The following FHIT variants were observed in gnomAD, a reference collection of about 807,000 sequenced individuals.
FHIT encodes fragile histidine triad diadenosine triphosphatase, also known as bis(5'-adenosyl)-triphosphatase.
FHIT carries 19 observed loss-of-function variants against 17.9 expected under a neutral mutation model. That is an observed-to-expected ratio of 1.06 (90% confidence interval 0.74 to 1.56). The LOEUF (loss-of-function observed/expected upper bound fraction) is 1.56, where lower values mean the gene tolerates loss of function less well. Among genes scored for constraint, FHIT ranks in the 40% most tolerant of loss-of-function variants. The pLI is 0.00. For missense variants in FHIT, 248 were observed against 189.2 expected, an observed-to-expected ratio of 1.31 and a Z score of -1.82; for synonymous variants, 81 against 69.7, an observed-to-expected ratio of 1.16 and a Z score of -0.81.
chr3:59,983,179 T>A (rs1708731098), intron 7 of FHIT, among the ~76,000 whole-genome samples: 1 of 152,032 alleles, frequency 6.6e-6, no homozygotes, highest in Non-Finnish European at 1.5e-5. Flanking sequence ...GCTCAAGCAG[T>A]CGGCCCACCT....
Position 60,055,652 on chromosome 3 carries a change from G to C in FHIT, c.104-41500C>G, listed in dbSNP as rs548460402. Among the ~76,000 whole-genome samples, 142 of 152,284 alleles carry C rather than the reference G, an allele frequency of 9.3e-4. 1 individual carries two copies. Among genetic ancestry groups the C allele is most frequent in the African/African-American group, 2.6e-3 (107 of 41,568 alleles). ...GCAACCAGTGTACAAGGCATTTAGA[G>C]AAAGCTTTTTGATTCCATTCAATCC... On this transcript the variant is annotated intron_variant, in intron 5 of 9. Coordinates refer to ENST00000492590, the MANE Select transcript of FHIT (RefSeq NM_002012.4).
At chr3:60,138,604 A>T (rs1699912163) in intron 5 of FHIT, among the ~76,000 whole-genome samples, 1 of 152,074 alleles carries the variant, frequency 6.6e-6, no homozygotes, top group Non-Finnish European at 1.5e-5. Flanking sequence ...ACAACCTCAT[A>T]AGTTGTCATG....
intron 4 of FHIT, among the ~76,000 whole-genome samples, chr3:60,675,614 G>T (rs2040605320): frequency 6.6e-6 from 1 of 152,206 alleles, no homozygotes; most frequent in African/African-American, 2.4e-5. Flanking sequence ...TGGTAGTTAT[G>T]TATTGGTTGC....
At chr3:60,193,006 T>C (rs73831991) in intron 5 of FHIT, among the ~76,000 whole-genome samples, 4,563 of 152,254 alleles carry the variant, frequency 0.03, 220 homozygotes, top group African/African-American at 0.1. Context: ...TGGGGTAAGA[T>C]GACCGAAAAC....
intron 5 of FHIT, among the ~76,000 whole-genome samples, chr3:60,527,655 G>A (rs1466578215): frequency 1.3e-5 from 2 of 152,126 alleles, no homozygotes; most frequent in East Asian, 3.9e-4. Context: ...TGATAATGAA[G>A]CTTACAATAA....
At chr3:60,577,201 A>G in intron 4 of FHIT, among the ~76,000 whole-genome samples, 1 of 152,140 alleles carries the variant, frequency 6.6e-6, no homozygotes, top group African/African-American at 2.4e-5. Context: ...GGCCCTCCCA[A>G]ATTAACACTG....
Position 60,192,687 on chromosome 3 carries a change from T to C in FHIT, c.104-178535A>G, listed in dbSNP as rs370025696. Among the ~76,000 whole-genome samples the C allele has an allele frequency of 2.6e-5, 4 of 152,182 alleles. No homozygotes were observed. In the East Asian group the frequency reaches 5.8e-4, roughly 22 times the overall value. ...ACATGCTGCTTACCTGCCCAGGATC[T>C]GAACTTCTGGATATGTATCTTTATT... On this transcript the variant is annotated intron_variant, in intron 5 of 9. Transcript: ENST00000492590.
At chr3:60,816,744 A>C (rs1553737835) in intron 4 of FHIT, among the ~76,000 whole-genome samples, 1 of 151,854 alleles carries the variant, frequency 6.6e-6, no homozygotes, top group African/African-American at 2.4e-5. Flanking sequence ...GGTGATGCAC[A>C]GAATGAGTTT....
intron 3 of FHIT, among the ~76,000 whole-genome samples, chr3:60,976,688 G>C (rs1050543362): frequency 5.9e-5 from 9 of 152,116 alleles, no homozygotes; most frequent in African/African-American, 2.2e-4. Flanking sequence ...TGAAAGATGT[G>C]ACACATGAAA....
At chr3:60,479,875 T>TTA (rs2033527058) in intron 5 of FHIT, among the ~76,000 whole-genome samples, 1 of 152,190 alleles carries the variant, frequency 6.6e-6, no homozygotes, top group African/African-American at 2.4e-5. Context: ...GTCTGTTGAA[T>TTA]AATTGTCTTC....
intron 4 of FHIT, among the ~76,000 whole-genome samples, chr3:60,685,403 C>G (rs1351106231): frequency 6.6e-6 from 1 of 152,108 alleles, no homozygotes; most frequent in African/African-American, 2.4e-5. Context: ...TCTGCTGGTA[C>G]TTAAGATACT....
chr3:61,029,999 TC>T (rs1189482250), intron 3 of FHIT, among the ~76,000 whole-genome samples: 2 of 152,324 alleles, frequency 1.3e-5, no homozygotes, highest in African/African-American at 4.8e-5. Flanking sequence ...AGACAGGGAC[TC>T]ACTCTGTGGC....
At chr3:60,433,556 T>C (rs926409654) in intron 5 of FHIT, among the ~76,000 whole-genome samples, 2 of 152,102 alleles carry the variant, frequency 1.3e-5, no homozygotes, top group Admixed American at 1.3e-4. Context: ...TTCCAATTTC[T>C]TCATACACTT....
intron 5 of FHIT, among the ~76,000 whole-genome samples, chr3:60,056,670 C>T (rs991466664): frequency 2.0e-5 from 3 of 152,210 alleles, no homozygotes; most frequent in Non-Finnish European, 2.9e-5. Context: ...CACCCTGATA[C>T]CAGGAAAGCA....
intron 2 of FHIT, among the ~76,000 whole-genome samples, chr3:61,052,652 C>T (rs1014431852): frequency 5.3e-5 from 8 of 152,170 alleles, no homozygotes; most frequent in Non-Finnish European, 8.8e-5. Context: ...TTATTGCCCA[C>T]GAGTTTCTAA....
At chr3:59,839,053 A>G (rs1047871901) in intron 8 of FHIT, among the ~76,000 whole-genome samples, 2 of 152,182 alleles carry the variant, frequency 1.3e-5, no homozygotes, top group African/African-American at 4.8e-5. Flanking sequence ...GCGGTAGCTC[A>G]TGTCCCCAAT....
intron 2 of FHIT, among the ~76,000 whole-genome samples, chr3:61,091,936 TAAAAAAAAAA>T (rs58005720): frequency 3.3e-5 from 2 of 61,276 alleles, no homozygotes; most frequent in African/African-American, 1.5e-4. Context: ...AGACCTTGTC[TAAAAAAAAAA>T]AAAAAAAAAA....
At chr3:60,025,094 G>A (rs112987440) in intron 5 of FHIT, among the ~76,000 whole-genome samples, 3,951 of 152,256 alleles carry the variant, frequency 0.026, 98 homozygotes, top group South Asian at 0.11. Context: ...TTCTGGCTTG[G>A]GTAGTAGGTG....
intron 5 of FHIT, among the ~76,000 whole-genome samples, chr3:60,384,832 T>C (rs1181578703): frequency 8.6e-6 from 1 of 115,616 alleles, no homozygotes; most frequent in Admixed American, 9.7e-5. Context: ...TATTTTCACA[T>C]TAGTAAAAAA....
Sources: gnomAD v4.1 joint callset for allele counts (sites outside exome capture counted in the v4.1 genomes callset) on GRCh38, gnomAD v4.1.1 for gene constraint, MANE v1.5 for transcripts, NCBI Gene and HGNC (gene_info 2026-07-23, HGNC 2026-07-21) for gene names.